Variants in PPP2R3B observed in about 807,000 individuals in gnomAD.
PPP2R3B encodes the protein serine/threonine-protein phosphatase 2A regulatory subunit B'' subunit beta.
Under a neutral mutation model 72.9 loss-of-function variants are expected in PPP2R3B, and 68 were observed. The ratio of observed to expected loss-of-function variants is 0.93; its 90% CI spans 0.77 to 1.14. The LOEUF (loss-of-function observed/expected upper bound fraction) is 1.14, where lower values mean the gene tolerates loss of function less well. Ranked by LOEUF, PPP2R3B falls within the 50% of genes most tolerant of loss-of-function variation. PPP2R3B has a pLI of 0.00. For missense variants in PPP2R3B, 1,018 were observed against 842.0 expected (o/e 1.21, Z -2.59); for synonymous variants, 466 against 375.8 (o/e 1.24, Z -2.78).
intron 7 of PPP2R3B, 165 bp from the exon 8 acceptor site, chrX:342,096 G>A: frequency 1.3e-6 from 1 of 745,062 alleles, no homozygotes; most frequent in Non-Finnish European, 2.4e-6. Context: ...CATCCTAGGG[G>A]CCCACCACGC....
chrX:339,059 G>A (rs1270495847), intron 10 of PPP2R3B, among the ~76,000 whole-genome samples, 163 bp from the exon 11 acceptor site: 1 of 152,116 alleles, frequency 6.6e-6, no homozygotes, highest in African/African-American at 2.4e-5. Context: ...CGAGTGTCCT[G>A]GTTCTGGGTG....
At chrX:348,637 A>C (rs373778587) in intron 2 of PPP2R3B, among the ~76,000 whole-genome samples, 5 of 152,094 alleles carry the variant, frequency 3.3e-5, no homozygotes, top group Non-Finnish European at 7.4e-5. Flanking sequence ...CAAACATCAG[A>C]TAGTGGATGC....
chrX:378,022 G>A (rs1294708102), intron 1 of PPP2R3B, among the ~76,000 whole-genome samples: 1 of 152,132 alleles, frequency 6.6e-6, no homozygotes, highest in Admixed American at 6.5e-5. Context: ...ACAGGGACGG[G>A]CCGTCCACAC....
intron 1 of PPP2R3B, among the ~76,000 whole-genome samples, chrX:367,098 C>G (rs900846214): frequency 1.3e-5 from 2 of 151,802 alleles, no homozygotes; most frequent in Non-Finnish European, 2.9e-5. Flanking sequence ...ACCCCATTAA[C>G]AGACACTCTA....
intron 1 of PPP2R3B, among the ~76,000 whole-genome samples, chrX:375,851 C>T (rs1268047796): frequency 6.6e-6 from 1 of 152,258 alleles, no homozygotes; most frequent in Non-Finnish European, 1.5e-5. Context: ...CGGCGGGTGA[C>T]ACACACCCCT....
Position 346,794 on chromosome X carries a change from G to A in PPP2R3B, c.718-19C>T, listed in dbSNP as rs1434096361. ...CCACGTCCTGCGGGTGGGAAGACAC[G>A]AGGCGCGTGGTGTAGACGCCGGCCC... is the stretch of plus-strand genomic sequence containing the variant. On this transcript the variant is annotated intron_variant, in intron 4 of 12. Transcript: ENST00000390665. The A allele has an allele frequency of 1.9e-6, 3 of 1,604,838 alleles. No individual in the cohort carries two copies. The East Asian group carries it at 6.7e-5, about 36-fold the overall frequency.
At chrX:375,406 G>A (rs1192823267) in intron 1 of PPP2R3B, among the ~76,000 whole-genome samples, 1 of 149,550 alleles carries the variant, frequency 6.7e-6, no homozygotes, top group Non-Finnish European at 1.5e-5. Flanking sequence ...AGTCACCCAC[G>A]ATGCAGGATG....
intron 1 of PPP2R3B, among the ~76,000 whole-genome samples, chrX:383,319 C>G (rs2072165095): frequency 6.6e-6 from 1 of 152,090 alleles, no homozygotes; most frequent in African/African-American, 2.4e-5. Flanking sequence ...ACGTAAATAT[C>G]ACTTTGTGAC....
intron 7 of PPP2R3B, 184 bp from the exon 8 acceptor site, chrX:342,115 C>A: frequency 1.5e-6 from 1 of 678,882 alleles, no homozygotes. Context: ...GCTTTCCCGT[C>A]GAGCAGAGCC....
intron 1 of PPP2R3B, among the ~76,000 whole-genome samples, chrX:363,437 A>G (rs1603094884): frequency 6.6e-6 from 1 of 151,514 alleles, no homozygotes; most frequent in Non-Finnish European, 1.5e-5. Flanking sequence ...CCGCGATCCC[A>G]CAATGCATCT....
At chrX:376,536 ACACC>A (rs751788563) in intron 1 of PPP2R3B, among the ~76,000 whole-genome samples, 7,899 of 119,764 alleles carry the variant, frequency 0.066, 175 homozygotes, top group African/African-American at 0.092. Flanking sequence ...CGGGCCGTCC[ACACC>A]CAGTGGGGCC....
intron 7 of PPP2R3B, chrX:345,178 G>C (rs2071170852): frequency 1.8e-6 from 1 of 560,754 alleles, no homozygotes; most frequent in Non-Finnish European, 3.4e-6. Context: ...CCTGAGGGAA[G>C]GCGTGTGGCC....
rs949127038 is a variant in PPP2R3B, at chrX:345,065, C to G, written c.1036+451G>C. On this transcript the variant is annotated intron_variant, in intron 7 of 12. Coordinates refer to ENST00000390665, the MANE Select transcript of PPP2R3B (RefSeq NM_013239.5). The stretch of plus-strand genomic sequence containing the variant: ...TGCTGTGAGGACACCTGGGCGGCAC[C>G]GGCTCCCGCGGAGGTATATGAACGA... 7.3e-6 allele frequency: 3 copies of G among 411,714 alleles called. No homozygotes were observed. In the Admixed American group the frequency reaches 8.5e-5, roughly 12 times the overall value. The allele number at this position is 411,714 out of a possible 1,614,324, so 25.5% of individuals were successfully genotyped here.
intron 1 of PPP2R3B, among the ~76,000 whole-genome samples, chrX:377,545 G>A (rs2072023244): frequency 4.5e-5 from 4 of 89,502 alleles, no homozygotes; most frequent in East Asian, 4.0e-4. Context: ...GGGACGGGCC[G>A]TCCACACCCA....
rs180850864 is a variant in PPP2R3B at position 334,686 on chromosome X, C to G, written c.1578-169G>C. On this transcript the variant is annotated intron_variant, in intron 12 of 12. Coordinates refer to ENST00000390665, the MANE Select transcript of PPP2R3B (RefSeq NM_013239.5). ...GCAACGCGCTCCTGGCTGAGGACGC[C>G]GGCTCCACGAATGCTCCCGGGGGAG... 2,631 of 788,796 alleles carry G rather than the reference C, an allele frequency of 3.3e-3. 9 individuals carry two copies. Among genetic ancestry groups the G allele is most frequent in the Middle Eastern group, 0.016 (39 of 2,494 alleles). The allele number at this position is 788,796 out of a possible 1,614,324, so 48.9% of individuals were successfully genotyped here. A position where few individuals can be genotyped will look rare whatever the true frequency, so the allele number is the denominator to read the frequency against.
At chrX:341,810 G>C in intron 8 of PPP2R3B, 73 bp downstream of exon 8, 3 of 1,531,074 alleles carry the variant, frequency 2.0e-6, no homozygotes, top group South Asian at 2.2e-5. Flanking sequence ...GCTCACGTCA[G>C]GCAACGATGA....
intron 1 of PPP2R3B, among the ~76,000 whole-genome samples, chrX:368,364 G>A (rs1387122294): frequency 2.4e-5 from 2 of 85,044 alleles, no homozygotes; most frequent in Admixed American, 1.1e-4. Context: ...CACCCACCCC[G>A]GGCACCGACG....
intron 1 of PPP2R3B, among the ~76,000 whole-genome samples, chrX:366,965 G>A (rs866161793): frequency 1.3e-5 from 2 of 148,764 alleles, no homozygotes; most frequent in African/African-American, 2.6e-5. Flanking sequence ...GAGGCGGAGG[G>A]TGCGGTGAGC....
chrX:334,289 A>C lies in PPP2R3B; in HGVS notation c.*78T>G, dbSNP rs1309297287. On this transcript the variant is annotated 3_prime_UTR_variant, in exon 13 of 13. Coordinates refer to ENST00000390665, the MANE Select transcript of PPP2R3B (RefSeq NM_013239.5). ...CGTACAAACGCACTCATTTTCCACAACAGTTTTTACACGAGCCGCGGTGGC... is the reference window on the plus strand; with the variant it reads ...CGTACAAACGCACTCATTTTCCACACCAGTTTTTACACGAGCCGCGGTGGC... 7 of 1,379,702 alleles carry C rather than the reference A, an allele frequency of 5.1e-6. No homozygotes were observed. The African/African-American group carries it at 1.1e-4, about 21-fold the overall frequency. 85.5% of individuals were successfully genotyped at this position (1,379,702 alleles called of 1,614,324 possible).
Sources: gnomAD v4.1 joint callset for allele counts (sites outside exome capture counted in the v4.1 genomes callset) on GRCh38, gnomAD v4.1.1 for gene constraint, MANE v1.5 for transcripts, NCBI Gene and HGNC (gene_info 2026-07-23, HGNC 2026-07-21) for gene names.